ERI1: variants seen among roughly 807,000 people sequenced by gnomAD.
The protein encoded by ERI1 is 3'-5' exoribonuclease 1.
In ERI1, 39 loss-of-function variants were observed where a neutral mutation model predicts 39.7. The observed-to-expected ratio is 0.98, with a 90% CI of 0.76 to 1.28. The LOEUF (loss-of-function observed/expected upper bound fraction) is 1.28. Among genes scored for constraint, ERI1 ranks in the 50% most tolerant of loss-of-function variants. The pLI is 0.00. For missense variants in ERI1, 581 were observed against 416.9 expected, an observed-to-expected ratio of 1.39 and a Z score of -3.43; for synonymous variants, 204 against 149.6, an observed-to-expected ratio of 1.36 and a Z score of -2.65.
intron 3 of ERI1, among the ~76,000 whole-genome samples, chr8:9,064,596 T>G (rs976538581): frequency 6.6e-6 from 1 of 151,976 alleles, no homozygotes; most frequent in Non-Finnish European, 1.5e-5. Flanking sequence ...AGAAAGTGGT[T>G]GAGGGATAGT....
At chr8:9,073,880 C>T (rs1038689870) in intron 3 of ERI1, among the ~76,000 whole-genome samples, 2 of 152,078 alleles carry the variant, frequency 1.3e-5, no homozygotes, top group Non-Finnish European at 2.9e-5. Flanking sequence ...AAGTCAAACC[C>T]TATAAAATAC....
intron 6 of ERI1, among the ~76,000 whole-genome samples, chr8:9,022,732 ATT>A (rs894935357): frequency 6.6e-6 from 1 of 152,018 alleles, no homozygotes; most frequent in African/African-American, 2.4e-5. Context: ...TTTTGAACTC[ATT>A]TTGTGAATTT....
At chr8:9,072,008 G>A (rs898040437) in intron 3 of ERI1, among the ~76,000 whole-genome samples, 7 of 152,210 alleles carry the variant, frequency 4.6e-5, no homozygotes, top group Non-Finnish European at 7.3e-5. Flanking sequence ...CGAGGCTGCA[G>A]TGAGTGGAGA....
downstream of ERI1, among the ~76,000 whole-genome samples, chr8:9,036,078 G>A (rs1240764000): frequency 6.6e-6 from 1 of 152,180 alleles, no homozygotes; most frequent in Non-Finnish European, 1.5e-5. Context: ...GATAAGCAAA[G>A]AAAGTGATTT....
At chr8:9,055,143 A>C (rs1798466983) in intron 3 of ERI1, among the ~76,000 whole-genome samples, 1 of 152,180 alleles carries the variant, frequency 6.6e-6, no homozygotes, top group South Asian at 2.1e-4. Context: ...GGACAGAAAA[A>C]AGAGAGTGAC....
At chr8:9,072,717 C>A (rs984884440) in intron 3 of ERI1, among the ~76,000 whole-genome samples, 2 of 152,160 alleles carry the variant, frequency 1.3e-5, no homozygotes, top group Non-Finnish European at 2.9e-5. Flanking sequence ...CAATTCTTCA[C>A]CAGAGCTTCA....
chr8:9,018,737 G>A (rs926805844), intron 5 of ERI1, among the ~76,000 whole-genome samples: 15 of 151,880 alleles, frequency 9.9e-5, no homozygotes, highest in Non-Finnish European at 1.5e-4. Context: ...CTCATCCCAC[G>A]CTACCTGTTT....
chr8:9,085,704 C>T (rs1799503093), intron 3 of ERI1, among the ~76,000 whole-genome samples: 1 of 151,878 alleles, frequency 6.6e-6, no homozygotes, highest in Admixed American at 6.6e-5. Context: ...TTTAGATTCA[C>T]TCTAAGTGAT....
chr8:9,053,463 G>C (rs75254257), intron 3 of ERI1, among the ~76,000 whole-genome samples: 3,779 of 150,536 alleles, frequency 0.025, 127 homozygotes, highest in South Asian at 0.093. Context: ...AAGCTCCACA[G>C]CCCAGCCACT....
chr8:9,011,802 G>A, intron 3 of ERI1, 50 bp downstream of exon 3: 2 of 1,387,280 alleles, frequency 1.4e-6, no homozygotes, highest in South Asian at 2.6e-5. Flanking sequence ...AACTATTCTG[G>A]TGTTTACTGG....
intron 2 of ERI1, chr8:9,008,931 C>G: frequency 2.2e-6 from 1 of 445,602 alleles, no homozygotes; most frequent in Non-Finnish European, 4.5e-6. Context: ...AGTTTCACCA[C>G]TCTTCAAAAG....
chr8:9,010,298 C>T (rs1816525200), intron 2 of ERI1, among the ~76,000 whole-genome samples: 1 of 152,116 alleles, frequency 6.6e-6, no homozygotes, highest in South Asian at 2.1e-4. Flanking sequence ...TCACACCTCC[C>T]ACCCCACAAC....
chr8:9,032,545 C>T lies in ERI1; in HGVS notation c.*2511C>T, dbSNP rs1277547663. Reference sequence around the variant, plus strand: ...GAGATAGATCCATTTATCCTGCCTCCTAGGGAGAAGTTTCTGCCTGGATTG... The same window carrying T: ...GAGATAGATCCATTTATCCTGCCTCTTAGGGAGAAGTTTCTGCCTGGATTG... On this transcript the variant is annotated 3_prime_UTR_variant, in exon 7 of 7. Transcript: ENST00000250263. 2 of 152,020 alleles carry T rather than the reference C, an allele frequency of 1.3e-5. No individual in the cohort carries two copies. Among genetic ancestry groups the T allele is most frequent in the East Asian group, 3.8e-4 (2 of 5,198 alleles). The allele number at this position is 152,020 out of a possible 1,614,324, so 9.4% of individuals were successfully genotyped here. A position where few individuals can be genotyped will look rare whatever the true frequency, so the allele number is the denominator to read the frequency against.
downstream of ERI1, among the ~76,000 whole-genome samples, chr8:9,034,447 C>T (rs538422318): frequency 1.3e-5 from 2 of 152,186 alleles, no homozygotes; most frequent in African/African-American, 2.4e-5. Flanking sequence ...ACTTTCACTT[C>T]ATGTCTCATA....
chr8:9,006,965 G>T (rs1816085379), intron 1 of ERI1, among the ~76,000 whole-genome samples: 1 of 152,106 alleles, frequency 6.6e-6, no homozygotes, highest in Admixed American at 6.5e-5. Context: ...GTTTACGTGA[G>T]GACAATGTGG....
intron 3 of ERI1, among the ~76,000 whole-genome samples, chr8:9,063,696 G>A (rs1443421441): frequency 1.1e-4 from 17 of 152,166 alleles, no homozygotes; most frequent in Admixed American, 1.1e-3. Flanking sequence ...TGGACATCGG[G>A]CATCTCAGAC....
rs73662275 is a variant in ERI1 at position 9,010,924 on chromosome 8, C to G, written c.288-618C>G. Among the ~76,000 whole-genome samples, 784 of 152,188 alleles carry G rather than the reference C, an allele frequency of 5.2e-3. 4 individuals are homozygous for G. The highest frequency in any genetic ancestry group is 0.017 in the African/African-American group (715 of 41,534). ...TAAGAAACTTATTTCTAGTTAAGAA[C>G]CTACTAGTGTGATAATGCTCCTTTG... is the stretch of plus-strand genomic sequence containing the variant. On this transcript the variant is annotated intron_variant, in intron 2 of 6. Transcript: ENST00000250263.
intron 1 of ERI1, among the ~76,000 whole-genome samples, chr8:9,006,253 G>T (rs1043483869): frequency 6.6e-6 from 1 of 152,148 alleles, no homozygotes; most frequent in African/African-American, 2.4e-5. Context: ...ATTGGACCTC[G>T]GCTGTCTCTA....
chr8:9,041,765 G>A (rs981838167), intron 3 of ERI1, among the ~76,000 whole-genome samples: 6 of 152,154 alleles, frequency 3.9e-5, no homozygotes, highest in Non-Finnish European at 8.8e-5. Flanking sequence ...ACAGAGTTTC[G>A]CTGTTGTCGC....
Sources: gnomAD v4.1 joint callset for allele counts (sites outside exome capture counted in the v4.1 genomes callset) on GRCh38, gnomAD v4.1.1 for gene constraint, MANE v1.5 for transcripts, NCBI Gene and HGNC (gene_info 2026-07-23, HGNC 2026-07-21) for gene names.